Variants in ADGRL3 observed in about 807,000 individuals in gnomAD.
ADGRL3 encodes calcium-independent alpha-latrotoxin receptor 3.
In ADGRL3, 62 loss-of-function variants were observed where a neutral mutation model predicts 153.5. The ratio of observed to expected loss-of-function variants is 0.40; its 90% CI spans 0.33 to 0.50. ADGRL3 has a LOEUF of 0.50. Ranked by LOEUF, ADGRL3 falls within the 20% of genes least tolerant of loss-of-function variation. The pLI is 0.47. For missense variants in ADGRL3, 1,641 were observed against 1,859.4 expected (o/e 0.88, Z 2.16); for synonymous variants, 710 against 672.5 (o/e 1.06, Z -0.86).
chr4:61,605,885 AC>A (rs2099030439), intron 5 of ADGRL3, among the ~76,000 whole-genome samples: 1 of 152,260 alleles, frequency 6.6e-6, no homozygotes, highest in African/African-American at 2.4e-5. Context: ...ATATTCTTCC[AC>A]ATACACTCCT....
At chr4:61,277,083 G>A (rs1030438157) in intron 1 of ADGRL3, among the ~76,000 whole-genome samples, 1 of 152,052 alleles carries the variant, frequency 6.6e-6, no homozygotes, top group Non-Finnish European at 1.5e-5. Flanking sequence ...GATGGTTTCT[G>A]ACTACCTATG....
chr4:61,973,769 T>C (rs751522127), intron 17 of ADGRL3, among the ~76,000 whole-genome samples: 45 of 152,094 alleles, frequency 3.0e-4, no homozygotes, highest in Non-Finnish European at 6.0e-4. Flanking sequence ...CCTGACAAAA[T>C]TTTTTAGTGT....
intron 8 of ADGRL3, among the ~76,000 whole-genome samples, chr4:61,811,286 ATTAT>A (rs1248205312): frequency 3.3e-5 from 5 of 152,164 alleles, no homozygotes; most frequent in Non-Finnish European, 7.4e-5. Context: ...GCAATAGACT[ATTAT>A]TTAGGAAAAA....
Position 61,663,533 on chromosome 4 carries a change from C to T in ADGRL3, c.474-13293C>T, listed in dbSNP as rs568519465. On this transcript the variant is annotated intron_variant, in intron 5 of 26. Transcript: ENST00000683033. ...TGCTCACAGACCCCTCACCACTCTG[C>T]GCCTGGCTCACCCTAGGCAGGTGTG... Among the ~76,000 whole-genome samples the T allele has an allele frequency of 1.5e-3, 222 of 152,298 alleles. 2 individuals carry two copies. The highest frequency in any genetic ancestry group is 4.8e-3 in the African/African-American group (199 of 41,578).
intron 13 of ADGRL3, among the ~76,000 whole-genome samples, chr4:61,914,265 T>G (rs2098735169): frequency 6.6e-6 from 1 of 152,134 alleles, no homozygotes; most frequent in Non-Finnish European, 1.5e-5. Flanking sequence ...CAAACGTGTC[T>G]ATTACGATTA....
chr4:62,001,020 G>A (rs1180023296), intron 21 of ADGRL3, among the ~76,000 whole-genome samples: 1 of 152,102 alleles, frequency 6.6e-6, no homozygotes, highest in Non-Finnish European at 1.5e-5. Context: ...CTGGCCTCAA[G>A]CTATCCTTCC....
chr4:61,811,251 G>A (rs2148585468), intron 8 of ADGRL3, among the ~76,000 whole-genome samples: 1 of 152,170 alleles, frequency 6.6e-6, no homozygotes, highest in East Asian at 1.9e-4. Context: ...TTGATGTATG[G>A]ATAAATTAAA....
At chr4:61,678,465 G>A (rs1431176471) in intron 6 of ADGRL3, among the ~76,000 whole-genome samples, 1 of 151,778 alleles carries the variant, frequency 6.6e-6, no homozygotes, top group Non-Finnish European at 1.5e-5. Context: ...TGTCTTTGAG[G>A]ATAGCCACTT....
intron 1 of ADGRL3, among the ~76,000 whole-genome samples, chr4:61,375,752 G>C (rs2096595522): frequency 6.6e-6 from 1 of 152,032 alleles, no homozygotes; most frequent in African/African-American, 2.4e-5. Context: ...TAAAGACCAA[G>C]GGGTCTATAT....
At chr4:61,573,407 A>G (rs978943669) in intron 4 of ADGRL3, among the ~76,000 whole-genome samples, 3 of 151,912 alleles carry the variant, frequency 2.0e-5, no homozygotes, top group East Asian at 1.9e-4. Flanking sequence ...CCATCTTTCA[A>G]ATGCTTAAAC....
intron 9 of ADGRL3, among the ~76,000 whole-genome samples, chr4:61,873,016 A>G (rs575815464): frequency 2.8e-4 from 42 of 152,366 alleles, no homozygotes; most frequent in African/African-American, 1.0e-3. Context: ...ATCTAACTGT[A>G]TAATAAATAG....
chr4:61,609,228 T>C (rs1410447587), intron 5 of ADGRL3, among the ~76,000 whole-genome samples: 1 of 152,116 alleles, frequency 6.6e-6, no homozygotes, highest in African/African-American at 2.4e-5. Context: ...ATGTTGAGAT[T>C]AATTAAAATT....
intron 5 of ADGRL3, among the ~76,000 whole-genome samples, chr4:61,642,915 C>A (rs997200646): frequency 6.6e-6 from 1 of 152,190 alleles, no homozygotes; most frequent in Admixed American, 6.5e-5. Context: ...TCTTCCTACC[C>A]ATGAGCATGG....
intron 5 of ADGRL3, among the ~76,000 whole-genome samples, chr4:61,635,197 G>T (rs1474025632): frequency 6.6e-6 from 1 of 152,110 alleles, no homozygotes. Flanking sequence ...CACAAGACTG[G>T]ACCTTAAGCT....
intron 2 of ADGRL3, among the ~76,000 whole-genome samples, chr4:61,473,384 C>A (rs772480378): frequency 2.6e-5 from 4 of 151,670 alleles, no homozygotes; most frequent in African/African-American, 9.7e-5. Context: ...AAACACACGG[C>A]GAGGGTGTGT....
intron 5 of ADGRL3, among the ~76,000 whole-genome samples, chr4:61,665,396 G>A (rs566515261): frequency 1.3e-5 from 2 of 152,190 alleles, no homozygotes; most frequent in South Asian, 4.1e-4. Context: ...GGGTGACAAA[G>A]CGAAACTGTC....
chr4:61,348,883 AT>A (rs967857468), intron 1 of ADGRL3, among the ~76,000 whole-genome samples: 5 of 151,988 alleles, frequency 3.3e-5, no homozygotes, highest in African/African-American at 9.7e-5. Context: ...GAATGTGGAA[AT>A]CTGAAGTCTT....
At chr4:61,354,689 A>C (rs1301120433) in intron 1 of ADGRL3, among the ~76,000 whole-genome samples, 1 of 152,026 alleles carries the variant, frequency 6.6e-6, no homozygotes, top group Admixed American at 6.6e-5. Context: ...AATGTGAATA[A>C]TCTGCCCATT....
At chr4:61,305,040 A>G (rs2094721952) in intron 1 of ADGRL3, among the ~76,000 whole-genome samples, 1 of 152,182 alleles carries the variant, frequency 6.6e-6, no homozygotes, top group African/African-American at 2.4e-5. Flanking sequence ...ATTAAATTGG[A>G]AGAGAAGACT....
Sources: gnomAD v4.1 joint callset for allele counts (sites outside exome capture counted in the v4.1 genomes callset) on GRCh38, gnomAD v4.1.1 for gene constraint, MANE v1.5 for transcripts, NCBI Gene and HGNC (gene_info 2026-07-23, HGNC 2026-07-21) for gene names.